PMPCB: variants seen among roughly 807,000 people sequenced by gnomAD.
PMPCB encodes peptidase, mitochondrial processing subunit beta.
Under a neutral mutation model 61.5 loss-of-function variants are expected in PMPCB, and 46 were observed. The observed-to-expected ratio is 0.75, with a 90% CI of 0.59 to 0.96. The LOEUF is 0.96. Ranked by LOEUF, PMPCB falls within the 40% of genes least tolerant of loss-of-function variation. The probability of loss-of-function intolerance (pLI) is 0.00; values close to 1 mark genes in which losing one functional copy is unlikely to be tolerated. For synonymous variants in PMPCB, 191 were observed against 201.6 expected (o/e 0.95, Z 0.44); for missense variants, 590 against 602.4 (o/e 0.98, Z 0.22).
At chr7:103,340,046 C>G in the PMPCB span, among the ~76,000 whole-genome samples, 2 of 152,184 alleles carry the variant, frequency 1.3e-5, no homozygotes, top group Non-Finnish European at 2.9e-5. Context: ...CCATGTTGGT[C>G]AGGCTGGTCT....
At chr7:103,299,604 G>A in intron 3 of PMPCB, 75 bp downstream of exon 3, 1 of 811,686 alleles carries the variant, frequency 1.2e-6, no homozygotes, top group Non-Finnish European at 2.1e-6. Flanking sequence ...TTTAGAGGCA[G>A]GGAGAGCTCT....
downstream of PMPCB, among the ~76,000 whole-genome samples, chr7:103,329,812 T>C (rs1442046381): frequency 6.6e-6 from 1 of 152,228 alleles, no homozygotes; most frequent in Admixed American, 6.5e-5. Flanking sequence ...TTTTGCTTAT[T>C]TGTCTTGCAT....
At chr7:103,307,492 G>C in intron 6 of PMPCB, 104 bp from the exon 7 acceptor site, 1 of 684,272 alleles carries the variant, frequency 1.5e-6, no homozygotes, top group East Asian at 2.7e-5. Context: ...CTTTTAGTGA[G>C]TGTAGATAGT....
chr7:103,346,818 A>ATGTG, the PMPCB span, among the ~76,000 whole-genome samples: 5,160 of 150,150 alleles, frequency 0.034, 89 homozygotes, highest in South Asian at 0.046. Flanking sequence ...AGGCTGAATA[A>ATGTG]TGTGTGTGTG....
intron 7 of PMPCB, among the ~76,000 whole-genome samples, chr7:103,308,660 C>A (rs190754658): frequency 6.2e-4 from 95 of 152,088 alleles, no homozygotes; most frequent in Admixed American, 1.2e-3. Context: ...TTGACAAACA[C>A]AAAGGATTGA....
chr7:103,341,938 T>C, the PMPCB span: 6 of 1,604,340 alleles, frequency 3.7e-6, no homozygotes, highest in East Asian at 4.5e-5. Context: ...CAGGTTCAAC[T>C]TGACAGAGTG....
At chr7:103,322,678 G>C in intron 12 of PMPCB, 1 of 1,612,294 alleles carries the variant, frequency 6.2e-7, no homozygotes, top group Non-Finnish European at 8.5e-7. Flanking sequence ...CTAACATTTA[G>C]GGGACTTAAA....
Position 103,313,852 on chromosome 7 carries a change from G to T in PMPCB, c.*1581G>T. The T allele has an allele frequency of 1.0e-6, 1 of 985,362 alleles. No homozygotes were observed. Among genetic ancestry groups the T allele is most frequent in the Non-Finnish European group, 1.2e-6 (1 of 829,866 alleles). 61.0% of individuals were successfully genotyped at this position (985,362 alleles called of 1,614,324 possible). A position where few individuals can be genotyped will look rare whatever the true frequency, so the allele number is the denominator to read the frequency against. On this transcript the variant is annotated 3_prime_UTR_variant, in exon 13 of 13. Coordinates refer to ENST00000249269, the MANE Select transcript of PMPCB (RefSeq NM_004279.3). The stretch of plus-strand genomic sequence containing the variant: ...GGTAAAAGTAGAATGTTAAGTGGTA[G>T]AAAGCTGATTTGGTTAAGTTAATGG...
At chr7:103,311,172 AG>A (rs2115712159) in intron 9 of PMPCB, 1 of 154,776 alleles carries the variant, frequency 6.5e-6, no homozygotes, top group African/African-American at 2.4e-5. Context: ...AAAGGCTCGC[AG>A]CTTCTTGGAA....
chr7:103,300,033 C>T (rs900295754), intron 3 of PMPCB, 145 bp from the exon 4 acceptor site: 4 of 679,588 alleles, frequency 5.9e-6, no homozygotes, highest in African/African-American at 1.8e-5. Context: ...CAGGTGTGAG[C>T]CATCGTACCA....
At chr7:103,299,754 T>G (rs1048777245) in intron 3 of PMPCB, among the ~76,000 whole-genome samples, 6 of 152,210 alleles carry the variant, frequency 3.9e-5, no homozygotes, top group African/African-American at 1.4e-4. Flanking sequence ...TTCTGAAGCC[T>G]GATGTACCTT....
intron 12 of PMPCB, among the ~76,000 whole-genome samples, chr7:103,321,331 A>G (rs1387196194): frequency 6.6e-6 from 1 of 152,090 alleles, no homozygotes; most frequent in East Asian, 1.9e-4. Context: ...AGCCTGGCCA[A>G]CACAGTGAAA....
At chr7:103,324,425 T>C (rs1818589608) in intron 12 of PMPCB, 18 of 1,377,806 alleles carry the variant, frequency 1.3e-5, no homozygotes, top group South Asian at 5.6e-5. Context: ...CAAGTACTTA[T>C]TGAATACTTT....
intron 4 of PMPCB, among the ~76,000 whole-genome samples, chr7:103,303,163 C>T (rs1437603893): frequency 2.0e-5 from 3 of 152,188 alleles, no homozygotes; most frequent in Admixed American, 6.5e-5. Context: ...GTTGCCCAGG[C>T]GAGAGTGCAG....
At chr7:103,324,913 T>C (rs1005396601) in intron 12 of PMPCB, among the ~76,000 whole-genome samples, 4 of 152,144 alleles carry the variant, frequency 2.6e-5, no homozygotes, top group African/African-American at 4.8e-5. Flanking sequence ...CCCTAAATAG[T>C]CAGCACAACA....
Position 103,320,237 on chromosome 7 carries a change from T to C in PMPCB, c.*1431+8106T>C, listed in dbSNP as rs183635394. On this transcript the variant is annotated intron_variant and NMD_transcript_variant, in intron 12 of 12. Transcript: ENST00000444457. ...CTGAGTAGCTGGAATTACAGGCGCC[T>C]GCCACCACACCTGGCTAATTTTTTC... Among the ~76,000 whole-genome samples, 571 of 152,010 alleles carry C rather than the reference T, an allele frequency of 3.8e-3. 4 individuals are homozygous for C. Among genetic ancestry groups the C allele is most frequent in the African/African-American group, 0.014 (562 of 41,508 alleles).
intron 12 of PMPCB, chr7:103,328,893 G>A (rs920516683): frequency 1.8e-5 from 11 of 620,080 alleles, no homozygotes; most frequent in African/African-American, 1.2e-4. Flanking sequence ...AATTTTAAAT[G>A]TAAGTGTTTT....
downstream of PMPCB, among the ~76,000 whole-genome samples, chr7:103,332,758 G>A (rs1212621565): frequency 6.6e-6 from 1 of 151,900 alleles, no homozygotes; most frequent in Non-Finnish European, 1.5e-5. Flanking sequence ...TGAGCAGCTG[G>A]GACCACAGGC....
At chr7:103,297,763 G>T (rs1051629560) in intron 1 of PMPCB, 141 of 1,532,898 alleles carry the variant, frequency 9.2e-5, no homozygotes, top group Non-Finnish European at 1.2e-4. Flanking sequence ...TGCTAGTGAC[G>T]TGTGGGATGA....
Sources: allele counts gnomAD v4.1 joint callset (sites outside exome capture counted in the v4.1 genomes callset), GRCh38; gene constraint gnomAD v4.1.1; transcripts MANE v1.5; gene names NCBI Gene and HGNC (gene_info 2026-07-23, HGNC 2026-07-21).